The following CAMTA1 variants were observed in gnomAD, a reference collection of about 807,000 sequenced individuals.
The protein encoded by CAMTA1 is calmodulin-binding transcription activator 1.
A neutral mutation model predicts 170.9 loss-of-function variants in CAMTA1; 27 were observed. The observed-to-expected ratio is 0.16, with a 90% CI of 0.12 to 0.22. CAMTA1 has a LOEUF of 0.22. Among genes scored for constraint, CAMTA1 ranks in the 10% least tolerant of loss-of-function variants. CAMTA1 has a pLI of 1.00. For synonymous variants in CAMTA1, 833 were observed against 891.5 expected (o/e 0.93, Z 1.17); for missense variants, 1,619 against 2,217.2 (o/e 0.73, Z 5.42).
chr1:7,080,531 TTTATTA>T (rs892895624), intron 3 of CAMTA1, among the ~76,000 whole-genome samples: 1 of 151,818 alleles, frequency 6.6e-6, no homozygotes, highest in Non-Finnish European at 1.5e-5. Flanking sequence ...GCACTGTGGA[TTTATTA>T]TTATTATTAT....
chr1:7,006,726 C>T (rs2100711547), intron 3 of CAMTA1, among the ~76,000 whole-genome samples: 1 of 152,296 alleles, frequency 6.6e-6, no homozygotes, highest in Non-Finnish European at 1.5e-5. Flanking sequence ...TGACCGGTCA[C>T]AGCTCACCCC....
intron 4 of CAMTA1, among the ~76,000 whole-genome samples, chr1:7,172,081 A>G (rs910502310): frequency 6.6e-6 from 1 of 151,870 alleles, no homozygotes; most frequent in African/African-American, 2.4e-5. Context: ...CCCATCATTC[A>G]GCATTTTGCT....
intron 4 of CAMTA1, among the ~76,000 whole-genome samples, chr1:7,117,620 C>A (rs777342903): frequency 3.3e-5 from 5 of 152,192 alleles, no homozygotes; most frequent in Non-Finnish European, 7.4e-5. Flanking sequence ...CCCTAGTGGG[C>A]ACGGGTGACT....
At chr1:6,998,716 G>T (rs374855020) in intron 3 of CAMTA1, among the ~76,000 whole-genome samples, 1 of 152,192 alleles carries the variant, frequency 6.6e-6, no homozygotes, top group Non-Finnish European at 1.5e-5. Context: ...TTGCTGTGGC[G>T]TCTGACATGC....
chr1:7,278,289 C>T (rs1671027928), intron 5 of CAMTA1, among the ~76,000 whole-genome samples: 1 of 152,124 alleles, frequency 6.6e-6, no homozygotes, highest in Admixed American at 6.5e-5. Flanking sequence ...ATGGGTGAAA[C>T]CTTTTGTTCA....
At chr1:6,833,856 A>T (rs1264109628) in intron 3 of CAMTA1, among the ~76,000 whole-genome samples, 1 of 152,216 alleles carries the variant, frequency 6.6e-6, no homozygotes, top group South Asian at 2.1e-4. Flanking sequence ...TAAAAATTTT[A>T]TATGGACTTA....
chr1:7,192,673 G>C (rs1273012584), intron 4 of CAMTA1, among the ~76,000 whole-genome samples: 1 of 152,226 alleles, frequency 6.6e-6, no homozygotes, highest in African/African-American at 2.4e-5. Context: ...GCCAGTGTGT[G>C]CTGGGCATCA....
intron 12 of CAMTA1, among the ~76,000 whole-genome samples, chr1:7,735,061 T>C (rs1010683639): frequency 3.3e-5 from 5 of 152,214 alleles, no homozygotes; most frequent in Non-Finnish European, 7.4e-5. Context: ...CTTATTGTTA[T>C]TAATAACACT....
intron 4 of CAMTA1, among the ~76,000 whole-genome samples, chr1:7,241,464 G>A (rs1664845601): frequency 6.6e-6 from 1 of 152,068 alleles, no homozygotes; most frequent in Non-Finnish European, 1.5e-5. Flanking sequence ...AAATATATAT[G>A]GAAATACAAA....
intron 3 of CAMTA1, among the ~76,000 whole-genome samples, chr1:7,079,181 G>A (rs958883721): frequency 1.8e-4 from 28 of 152,118 alleles, no homozygotes; most frequent in African/African-American, 6.8e-4. Context: ...ATAATAGTAG[G>A]GTAACAACAT....
chr1:7,691,750 G>A (rs1366493196), intron 11 of CAMTA1, among the ~76,000 whole-genome samples: 1 of 151,794 alleles, frequency 6.6e-6, no homozygotes, highest in Non-Finnish European at 1.5e-5. Context: ...AAGAGAGCGA[G>A]AGAGAGAGAG....
intron 6 of CAMTA1, among the ~76,000 whole-genome samples, chr1:7,622,163 C>T (rs1266761600): frequency 6.6e-6 from 1 of 152,230 alleles, no homozygotes. Flanking sequence ...AGCGGCTACT[C>T]ATGGCTGGGA....
At chr1:7,446,696 T>A (rs937216204) in intron 5 of CAMTA1, among the ~76,000 whole-genome samples, 1 of 152,222 alleles carries the variant, frequency 6.6e-6, no homozygotes, top group African/African-American at 2.4e-5. Context: ...GGCTGCCCGC[T>A]GGCTTAGGCC....
At chr1:7,756,245 G>C (rs2150219840) in intron 22 of CAMTA1, among the ~76,000 whole-genome samples, 2 of 152,142 alleles carry the variant, frequency 1.3e-5, no homozygotes, top group Middle Eastern at 6.8e-3. Context: ...CACTGTACAA[G>C]GCTGCCCTTT....
intron 4 of CAMTA1, among the ~76,000 whole-genome samples, chr1:7,209,742 C>T (rs990490954): frequency 6.6e-6 from 1 of 152,094 alleles, no homozygotes. Context: ...TAGAGATTTC[C>T]GAGTCAGTAG....
chr1:6,875,134 G>A (rs1279148528), intron 3 of CAMTA1, among the ~76,000 whole-genome samples: 1 of 152,118 alleles, frequency 6.6e-6, no homozygotes, highest in African/African-American at 2.4e-5. Context: ...TCAGTAAACT[G>A]CCAGACAGGC....
Position 7,275,935 on chromosome 1 carries a change from G to A in CAMTA1, c.438+26309G>A, listed in dbSNP as rs145214178. ...TCTGATACCAAAACCAGGTAAAGAC[G>A]TTACAAGAAAACTACAGACCAATAT... On this transcript the variant is annotated intron_variant, in intron 5 of 22. Transcript: ENST00000303635. Among the ~76,000 whole-genome samples, 702 of 151,986 alleles carry A rather than the reference G, an allele frequency of 4.6e-3. 11 individuals carry two copies. The highest frequency in any genetic ancestry group is 0.032 in the Admixed American group (489 of 15,276).
At chr1:7,516,698 C>T (rs1333412492) in intron 6 of CAMTA1, among the ~76,000 whole-genome samples, 1 of 152,166 alleles carries the variant, frequency 6.6e-6, no homozygotes, top group African/African-American at 2.4e-5. Flanking sequence ...GTGGTCACAC[C>T]CACAAGAGAC....
intron 11 of CAMTA1, chr1:7,694,494 T>A (rs2096353567): frequency 6.6e-6 from 1 of 152,482 alleles, no homozygotes; most frequent in Admixed American, 6.5e-5. Context: ...TAACATATGA[T>A]TCCAATCACC....
Sources: gnomAD v4.1 joint callset for allele counts (sites outside exome capture counted in the v4.1 genomes callset) on GRCh38, gnomAD v4.1.1 for gene constraint, MANE v1.5 for transcripts, NCBI Gene and HGNC (gene_info 2026-07-23, HGNC 2026-07-21) for gene names.